Variants in GARIN1B observed in about 807,000 individuals in gnomAD.
GARIN1B encodes Golgi-associated RAB2 interactor protein 1B.
the GARIN1B span, among the ~76,000 whole-genome samples, chr7:128,720,721 A>C: frequency 6.6e-6 from 1 of 152,220 alleles, no homozygotes; most frequent in Non-Finnish European, 1.5e-5. Context: ...TGAAAAGACT[A>C]TTCCTTCCCA....
the GARIN1B span, among the ~76,000 whole-genome samples, chr7:128,719,332 A>G: frequency 3.9e-5 from 6 of 151,978 alleles, no homozygotes; most frequent in Admixed American, 6.6e-5. Context: ...AAAATCCACC[A>G]TTGTGGATTT....
chr7:128,714,779 C>T, the GARIN1B span, among the ~76,000 whole-genome samples: 3 of 152,100 alleles, frequency 2.0e-5, no homozygotes, highest in Non-Finnish European at 4.4e-5. Flanking sequence ...AGCAGAGCTG[C>T]TCATCGGGGT....
At chr7:128,721,384 G>C in the GARIN1B span, among the ~76,000 whole-genome samples, 1 of 152,100 alleles carries the variant, frequency 6.6e-6, no homozygotes, top group African/African-American at 2.4e-5. Flanking sequence ...AACTGTGTTT[G>C]TGTTTTCTTA....
chr7:128,719,094 A>C, the GARIN1B span: 1 of 1,611,122 alleles, frequency 6.2e-7, no homozygotes, highest in Non-Finnish European at 8.5e-7. Context: ...GTAAGTGAGC[A>C]CCATTGCCAC....
the GARIN1B span, among the ~76,000 whole-genome samples, chr7:128,718,434 G>GAAAAAAAAAAA: frequency 8.5e-6 from 1 of 117,962 alleles, no homozygotes. Flanking sequence ...CTTTGCCTCA[G>GAAAAAAAAAAA]AAAAAAAAAA....
At chr7:128,725,572 A>C in the GARIN1B span, among the ~76,000 whole-genome samples, 1 of 152,142 alleles carries the variant, frequency 6.6e-6, no homozygotes, top group African/African-American at 2.4e-5. Context: ...GGGTTTCACC[A>C]TGTTGGCCAG....
chr7:128,720,223 C>G, the GARIN1B span, among the ~76,000 whole-genome samples: 5 of 123,898 alleles, frequency 4.0e-5, no homozygotes, highest in Non-Finnish European at 8.4e-5. Flanking sequence ...TTTTTTGAAA[C>G]AGTCTCCCTC....
chr7:128,711,654 TACAGACACACACAC>T, the GARIN1B span, among the ~76,000 whole-genome samples: 4 of 107,896 alleles, frequency 3.7e-5, no homozygotes, highest in Admixed American at 3.0e-4. Flanking sequence ...ATTTTGGTTT[TACAGACACACACAC>T]ACACACACAC....
the GARIN1B span, among the ~76,000 whole-genome samples, chr7:128,725,991 G>A: frequency 6.6e-6 from 1 of 152,238 alleles, no homozygotes; most frequent in South Asian, 2.1e-4. Context: ...GCAGGTTAAG[G>A]GAATGGGCAG....
the GARIN1B span, chr7:128,714,204 G>C: frequency 7.1e-7 from 1 of 1,406,006 alleles, no homozygotes; most frequent in South Asian, 1.2e-5. Flanking sequence ...CTCCATGCTT[G>C]TCCTTTGTGT....
the GARIN1B span, chr7:128,717,091 G>A: frequency 3.5e-6 from 4 of 1,149,964 alleles, no homozygotes; most frequent in Middle Eastern, 2.3e-4. Context: ...AGAAGATAGA[G>A]ATGTCATCAG....
At chr7:128,713,010 A>G in the GARIN1B span, among the ~76,000 whole-genome samples, 2 of 152,200 alleles carry the variant, frequency 1.3e-5, no homozygotes, top group African/African-American at 4.8e-5. Flanking sequence ...TTCTATTACT[A>G]AAAAATCAGA....
chr7:128,726,873 T>A, the GARIN1B span: 1 of 1,613,684 alleles, frequency 6.2e-7, no homozygotes, highest in Non-Finnish European at 8.5e-7. Flanking sequence ...ACAGCTCAGG[T>A]AAGGGAGGGC....
the GARIN1B span, among the ~76,000 whole-genome samples, chr7:128,727,783 A>G: frequency 1.3e-5 from 2 of 151,030 alleles, no homozygotes; most frequent in Admixed American, 6.6e-5. Context: ...AATCCTCCCT[A>G]TCCTTCTAAA....
the GARIN1B span, chr7:128,716,826 G>A: frequency 6.2e-7 from 1 of 1,609,914 alleles, no homozygotes; most frequent in Non-Finnish European, 8.5e-7. Context: ...AAAAGGGGCA[G>A]GAATTGGAGA....
chr7:128,726,785 T>C, the GARIN1B span: 1 of 1,610,084 alleles, frequency 6.2e-7, no homozygotes. Flanking sequence ...GTTCTTTTCC[T>C]TTACTTTCAA....
At chr7:128,718,347 G>A in the GARIN1B span, among the ~76,000 whole-genome samples, 5 of 150,840 alleles carry the variant, frequency 3.3e-5, no homozygotes, top group African/African-American at 1.2e-4. Context: ...CAGGAGAATC[G>A]CTTGAACCTA....
the GARIN1B span, among the ~76,000 whole-genome samples, chr7:128,719,690 T>C: frequency 8.2e-5 from 12 of 146,998 alleles, no homozygotes; most frequent in African/African-American, 2.5e-4. Flanking sequence ...TTTTTTGTTT[T>C]GTTTTGCTTT....
chr7:128,725,725 T>C, the GARIN1B span, among the ~76,000 whole-genome samples: 6 of 152,176 alleles, frequency 3.9e-5, no homozygotes, highest in African/African-American at 1.2e-4. Context: ...TTATACCTCA[T>C]TGGCCACACT....
Sources: allele counts gnomAD v4.1 joint callset (sites outside exome capture counted in the v4.1 genomes callset), GRCh38; gene constraint gnomAD v4.1.1; transcripts MANE v1.5; gene names NCBI Gene and HGNC (gene_info 2026-07-23, HGNC 2026-07-21).